The following CTNNA3 variants were observed in gnomAD, a reference collection of about 807,000 sequenced individuals.
CTNNA3 encodes the protein catenin alpha-3.
In CTNNA3, 76 loss-of-function variants were observed where a neutral mutation model predicts 95.7. The ratio of observed to expected loss-of-function variants is 0.79; its 90% confidence interval spans 0.66 to 0.96. CTNNA3 has a LOEUF of 0.96. CTNNA3 is among the 40% of genes least tolerant of loss of function. The pLI, the probability that CTNNA3 is intolerant of heterozygous loss-of-function variation, is 0.00. For synonymous variants in CTNNA3, 431 were observed against 374.4 expected, an observed-to-expected ratio of 1.15 and a Z score of -1.74; for missense variants, 1,191 against 1,089.8, an observed-to-expected ratio of 1.09 and a Z score of -1.31.
rs188417290 is a variant in CTNNA3, at chr10:67,143,823, T to A, written c.1047+36494A>T. ...TCAAAGTAACTCATGAGGGTTGGAA[T>A]CAACTTCTTCCAAACTCCTGATAAT... On this transcript the variant is annotated intron_variant, in intron 7 of 17. Transcript: ENST00000433211. 7.9e-4 allele frequency among the ~76,000 whole-genome samples: 120 copies of A among 152,330 alleles called. 2 individuals carry two copies. The highest frequency in any genetic ancestry group is 1.3e-3 in the Non-Finnish European group (90 of 68,034).
intron 7 of CTNNA3, among the ~76,000 whole-genome samples, chr10:66,853,046 G>A (rs1401305727): frequency 1.3e-5 from 2 of 149,856 alleles, no homozygotes; most frequent in Admixed American, 6.7e-5. Flanking sequence ...ACCTGTTTTT[G>A]TATGGTTCAT....
intron 1 of CTNNA3, among the ~76,000 whole-genome samples, chr10:67,692,736 T>TAAAAAAAAAAAAAAAAAA (rs200961420): frequency 1.2e-5 from 1 of 80,840 alleles, no homozygotes; most frequent in African/African-American, 4.7e-5. Context: ...GAATGATCAA[T>TAAAAAAAAAAAAAAAAAA]AAAAAAAAAA....
intron 7 of CTNNA3, among the ~76,000 whole-genome samples, chr10:66,864,923 A>G (rs1722257334): frequency 6.6e-6 from 1 of 152,110 alleles, no homozygotes; most frequent in Admixed American, 6.6e-5. Context: ...TAAAATACGG[A>G]ATTGTATACA....
At chr10:65,966,954 C>T (rs2077981000) in intron 16 of CTNNA3, among the ~76,000 whole-genome samples, 2 of 152,020 alleles carry the variant, frequency 1.3e-5, no homozygotes, top group African/African-American at 2.4e-5. Flanking sequence ...CCAAAAGGAA[C>T]GTTAAAATAA....
chr10:66,555,347 A>C lies in CTNNA3; in HGVS notation c.1375-34574T>G, dbSNP rs139744341. Among the ~76,000 whole-genome samples, 5 of 152,270 alleles carry C rather than the reference A, an allele frequency of 3.3e-5. No individual in the cohort carries two copies. The East Asian group carries it at 9.6e-4, about 29-fold the overall frequency. ...CAGAACTGCAAATGCCATTAGATTA[A>C]GGTTGCTAAATGTTAAAAAAACAGA... On this transcript the variant is annotated intron_variant, in intron 10 of 17. Coordinates refer to ENST00000433211, the MANE Select transcript of CTNNA3 (RefSeq NM_013266.4).
chr10:66,704,650 G>A (rs1848060384), intron 9 of CTNNA3, among the ~76,000 whole-genome samples: 1 of 152,128 alleles, frequency 6.6e-6, no homozygotes, highest in Non-Finnish European at 1.5e-5. Flanking sequence ...CCTTAGGGAT[G>A]CTGAATAAAC....
chr10:66,952,772 T>C (rs1219889725), intron 7 of CTNNA3, among the ~76,000 whole-genome samples: 4 of 151,990 alleles, frequency 2.6e-5, no homozygotes, highest in Admixed American at 6.6e-5. Flanking sequence ...TTAGTGCTTA[T>C]GTCCTACTAG....
chr10:66,995,944 T>C (rs1400798749), intron 7 of CTNNA3, among the ~76,000 whole-genome samples: 2 of 152,228 alleles, frequency 1.3e-5, no homozygotes, highest in Non-Finnish European at 2.9e-5. Context: ...AGTGGTTTAT[T>C]ACATTATTGT....
intron 9 of CTNNA3, among the ~76,000 whole-genome samples, chr10:66,733,462 A>G (rs2132672502): frequency 6.6e-6 from 1 of 152,074 alleles, no homozygotes; most frequent in African/African-American, 2.4e-5. Flanking sequence ...TCCTAGGAGA[A>G]GTGTTGAGTC....
chr10:66,741,282 A>T (rs1194733303), intron 9 of CTNNA3, among the ~76,000 whole-genome samples: 1 of 152,182 alleles, frequency 6.6e-6, no homozygotes, highest in Non-Finnish European at 1.5e-5. Context: ...AGATGATACA[A>T]GCAAATTCCC....
intron 13 of CTNNA3, among the ~76,000 whole-genome samples, chr10:66,159,206 T>C (rs1282907233): frequency 2.0e-5 from 3 of 152,038 alleles, no homozygotes; most frequent in African/African-American, 4.8e-5. Context: ...TGCAGAGTAG[T>C]GGTGAGAGTG....
chr10:66,981,882 C>T (rs927400558), intron 7 of CTNNA3, among the ~76,000 whole-genome samples: 5 of 152,194 alleles, frequency 3.3e-5, no homozygotes, highest in African/African-American at 4.8e-5. Flanking sequence ...CACTTACTTG[C>T]TCCCAAAGTT....
At chr10:67,631,480 G>A (rs888058567) in intron 2 of CTNNA3, among the ~76,000 whole-genome samples, 2 of 152,074 alleles carry the variant, frequency 1.3e-5, no homozygotes, top group Admixed American at 1.3e-4. Flanking sequence ...TATATACAGA[G>A]GTGATAAGTA....
intron 13 of CTNNA3, among the ~76,000 whole-genome samples, chr10:66,144,734 C>T (rs973939950): frequency 3.9e-5 from 6 of 152,262 alleles, no homozygotes; most frequent in Non-Finnish European, 7.4e-5. Context: ...ATCATCCACC[C>T]GCATTGGCCT....
intron 11 of CTNNA3, among the ~76,000 whole-genome samples, chr10:66,488,103 T>C (rs1287845156): frequency 6.6e-6 from 1 of 152,170 alleles, no homozygotes; most frequent in Non-Finnish European, 1.5e-5. Flanking sequence ...CACATACTTA[T>C]TAATATTTAT....
intron 9 of CTNNA3, among the ~76,000 whole-genome samples, chr10:66,743,884 G>C (rs1324718786): frequency 2.1e-5 from 3 of 142,868 alleles, no homozygotes; most frequent in African/African-American, 7.9e-5. Context: ...GCTGAGGCAG[G>C]AGAATCACTT....
At chr10:67,201,954 C>T (rs1863669008) in intron 6 of CTNNA3, among the ~76,000 whole-genome samples, 1 of 152,070 alleles carries the variant, frequency 6.6e-6, no homozygotes, top group Admixed American at 6.6e-5. Flanking sequence ...ATGAAGAGAG[C>T]CCTGGATTTG....
intron 1 of CTNNA3, among the ~76,000 whole-genome samples, chr10:67,747,754 G>C (rs1159063296): frequency 6.6e-6 from 1 of 152,182 alleles, no homozygotes; most frequent in African/African-American, 2.4e-5. Context: ...CTGGGCAGAG[G>C]CTGAGATGGA....
At chr10:66,048,238 A>T (rs1381699260) in intron 15 of CTNNA3, among the ~76,000 whole-genome samples, 1 of 152,224 alleles carries the variant, frequency 6.6e-6, no homozygotes, top group African/African-American at 2.4e-5. Context: ...CTACAAGGCT[A>T]CATTAATCAA....
Sources: gnomAD v4.1 joint callset for allele counts (sites outside exome capture counted in the v4.1 genomes callset) on GRCh38, gnomAD v4.1.1 for gene constraint, MANE v1.5 for transcripts, NCBI Gene and HGNC (gene_info 2026-07-23, HGNC 2026-07-21) for gene names.